The following SLC39A11 variants were observed in gnomAD, a reference collection of about 807,000 sequenced individuals.
SLC39A11 encodes solute carrier family 39 member 11, also known as zinc transporter ZIP11.
A neutral mutation model predicts 36.1 loss-of-function variants in SLC39A11; 33 were observed. That is an observed-to-expected ratio of 0.91 (90% CI 0.69 to 1.22). SLC39A11 has a LOEUF of 1.22. Among genes scored for constraint, SLC39A11 ranks in the 50% most tolerant of loss-of-function variants. The pLI is 0.00. For missense variants in SLC39A11, 432 were observed against 430.3 expected (o/e 1.00, Z -0.03); for synonymous variants, 166 against 170.3 (o/e 0.97, Z 0.20).
At chr17:72,681,937 C>G (rs531917354) in intron 7 of SLC39A11, among the ~76,000 whole-genome samples, 1 of 152,334 alleles carries the variant, frequency 6.6e-6, no homozygotes, top group East Asian at 1.9e-4. Context: ...TTGTTAGGAA[C>G]TGGGCCTGCA....
chr17:72,936,003 C>T (rs1024337827), intron 5 of SLC39A11, among the ~76,000 whole-genome samples: 5 of 152,154 alleles, frequency 3.3e-5, no homozygotes, highest in Admixed American at 6.5e-5. Context: ...TTGAGACCAG[C>T]CTGGCCAACA....
intron 4 of SLC39A11, among the ~76,000 whole-genome samples, chr17:73,014,390 C>T (rs1370064907): frequency 6.6e-6 from 1 of 152,146 alleles, no homozygotes; most frequent in Non-Finnish European, 1.5e-5. Context: ...GGGCACAGTG[C>T]CTCATGCCTG....
intron 6 of SLC39A11, among the ~76,000 whole-genome samples, chr17:72,846,014 CTCTCTTTTTTTT>C (rs2079033129): frequency 1.0e-5 from 1 of 96,250 alleles, no homozygotes; most frequent in African/African-American, 3.9e-5. Context: ...CTCTCTCTCT[CTCTCTTTTTTTT>C]TTTTTTTTTT....
chr17:73,041,201 T>G (rs1407466348), intron 3 of SLC39A11, among the ~76,000 whole-genome samples: 1 of 152,104 alleles, frequency 6.6e-6, no homozygotes, highest in Non-Finnish European at 1.5e-5. Context: ...TTCCAAATTC[T>G]CACTGGAGTA....
intron 6 of SLC39A11, among the ~76,000 whole-genome samples, chr17:72,769,613 C>T (rs2075867365): frequency 2.6e-5 from 4 of 151,724 alleles, no homozygotes; most frequent in African/African-American, 4.8e-5. Flanking sequence ...GGCCCGATCT[C>T]GGCTCACTGC....
intron 7 of SLC39A11, 102 bp downstream of exon 7, chr17:72,736,548 G>A (rs1250725490): frequency 1.0e-6 from 1 of 978,328 alleles, no homozygotes; most frequent in Non-Finnish European, 1.6e-6. Context: ...TGGGGCTGGG[G>A]TGCTGAACAA....
rs148637468 is a variant in SLC39A11, at chr17:72,974,701, C to T, written c.307-26826G>A. Among the ~76,000 whole-genome samples the T allele has an allele frequency of 2.6e-4, 39 of 152,268 alleles. No homozygotes were observed. In the East Asian group the frequency reaches 4.8e-3, roughly 19 times the overall value. The stretch of plus-strand genomic sequence containing the variant: ...AAGTATACAGTGTTTACAAAGTCTA[C>T]GGTAGTGTATAGTAATGTCCTAGGC... On this transcript the variant is annotated intron_variant, in intron 4 of 9. Transcript: ENST00000255559.
intron 5 of SLC39A11, among the ~76,000 whole-genome samples, chr17:72,885,926 G>A (rs72847952): frequency 0.047 from 7,134 of 152,220 alleles, 195 homozygotes; most frequent in Non-Finnish European, 0.06. Context: ...TGCTTTTGTC[G>A]GGGTCACCAC....
chr17:72,732,345 G>T (rs922674881), intron 7 of SLC39A11, among the ~76,000 whole-genome samples: 2 of 152,058 alleles, frequency 1.3e-5, no homozygotes, highest in African/African-American at 2.4e-5. Context: ...ACTATATTCA[G>T]ATTTCACTAG....
intron 7 of SLC39A11, among the ~76,000 whole-genome samples, chr17:72,735,416 T>C (rs1487716781): frequency 6.6e-6 from 1 of 152,090 alleles, no homozygotes; most frequent in East Asian, 1.9e-4. Flanking sequence ...AGAAATTCGT[T>C]TCTGACAGTC....
intron 4 of SLC39A11, among the ~76,000 whole-genome samples, chr17:73,000,889 T>C (rs903630905): frequency 1.3e-5 from 2 of 152,252 alleles, no homozygotes; most frequent in African/African-American, 4.8e-5. Flanking sequence ...ACTTTAGTGC[T>C]TGAAAAGGGA....
chr17:72,765,330 G>A (rs1446243275), intron 6 of SLC39A11, among the ~76,000 whole-genome samples: 1 of 152,124 alleles, frequency 6.6e-6, no homozygotes, highest in Non-Finnish European at 1.5e-5. Context: ...ACACCCCAAT[G>A]ATTGCATTCA....
chr17:72,955,993 A>G lies in SLC39A11; in HGVS notation c.307-8118T>C, dbSNP rs540673369. On this transcript the variant is annotated intron_variant, in intron 4 of 9. Transcript: ENST00000255559. ...ACCACATGAGGACGGGTAGATACCT[A>G]TCCTATGACTCCCCAGTGAAAGCTT... is the stretch of plus-strand genomic sequence containing the variant. Among the ~76,000 whole-genome samples the G allele has an allele frequency of 1.1e-4, 16 of 152,194 alleles. No individual in the cohort carries two copies. In the South Asian group the frequency reaches 2.9e-3, roughly 28 times the overall value.
At chr17:72,694,260 C>T (rs551991125) in intron 7 of SLC39A11, among the ~76,000 whole-genome samples, 4 of 152,152 alleles carry the variant, frequency 2.6e-5, no homozygotes, top group Non-Finnish European at 4.4e-5. Flanking sequence ...AGGTTGCCAC[C>T]GGGCTGTGGA....
intron 6 of SLC39A11, among the ~76,000 whole-genome samples, chr17:72,743,828 C>T (rs942740125): frequency 6.6e-6 from 1 of 152,204 alleles, no homozygotes; most frequent in African/African-American, 2.4e-5. Flanking sequence ...AGAAGAAACC[C>T]AACTCATACT....
chr17:73,038,776 G>A (rs1336390426), intron 3 of SLC39A11, among the ~76,000 whole-genome samples: 3 of 138,892 alleles, frequency 2.2e-5, no homozygotes, highest in Non-Finnish European at 3.2e-5. Context: ...GATGGAGGAG[G>A]GAGGGAGGAG....
At chr17:72,944,100 T>C (rs2085279361) in intron 5 of SLC39A11, among the ~76,000 whole-genome samples, 1 of 152,144 alleles carries the variant, frequency 6.6e-6, no homozygotes, top group South Asian at 2.1e-4. Flanking sequence ...CACACCTCAT[T>C]ACTTATGCTT....
chr17:72,683,520 G>C (rs929260877), intron 7 of SLC39A11, among the ~76,000 whole-genome samples: 2 of 151,602 alleles, frequency 1.3e-5, no homozygotes, highest in African/African-American at 4.8e-5. Flanking sequence ...ATTTTTTGTA[G>C]AGCCAGGGGT....
At position 72,868,702 on chromosome 17, in the gene SLC39A11, G is replaced by C. The variant is rs4969022; in HGVS notation, c.431-18898C>G. 1.7e-3 allele frequency among the ~76,000 whole-genome samples: 252 copies of C among 151,272 alleles called. 1 individual carries two copies. Among genetic ancestry groups the C allele is most frequent in the African/African-American group, 5.8e-3 (237 of 41,174 alleles). ...GCACATGCCACAGGCCCAGCTACTT[G>C]GGAGGCTGAGGTGGGAGGATAGTTT... On this transcript the variant is annotated intron_variant, in intron 5 of 9. Coordinates refer to ENST00000255559, the MANE Select transcript of SLC39A11 (RefSeq NM_139177.4).
Sources: allele counts gnomAD v4.1 joint callset (sites outside exome capture counted in the v4.1 genomes callset), GRCh38; gene constraint gnomAD v4.1.1; transcripts MANE v1.5; gene names NCBI Gene and HGNC (gene_info 2026-07-23, HGNC 2026-07-21).